WWOX: variants seen among roughly 807,000 people sequenced by gnomAD.
WWOX encodes the protein WW domain containing oxidoreductase, also known as WW domain-containing oxidoreductase.
WWOX carries 69 observed loss-of-function variants against 46.2 expected under a neutral mutation model. That is an observed-to-expected ratio of 1.49 (90% CI 1.23 to 1.82). WWOX has a LOEUF of 1.82. Among genes scored for constraint, WWOX ranks in the 40% most tolerant of loss-of-function variants. WWOX has a pLI of 0.00. For missense variants in WWOX, 919 were observed against 542.6 expected, an observed-to-expected ratio of 1.69 and a Z score of -6.89; for synonymous variants, 359 against 202.6, an observed-to-expected ratio of 1.77 and a Z score of -6.56.
At chr16:78,958,751 C>G (rs150847156) in intron 8 of WWOX, among the ~76,000 whole-genome samples, 16 of 152,136 alleles carry the variant, frequency 1.1e-4, no homozygotes, top group Middle Eastern at 6.8e-3. Context: ...TGAAATATAC[C>G]AAGTCGTCAA....
In WWOX at chr16:79,096,210, G is replaced by A. The variant is rs566793104; in HGVS notation, c.1057-115398G>A. Among the ~76,000 whole-genome samples the A allele has an allele frequency of 1.7e-3, 257 of 151,930 alleles. 1 individual carries two copies. Among genetic ancestry groups the A allele is most frequent in the Admixed American group, 2.7e-3 (41 of 15,262 alleles). ...GGGCCTCCTGGCACCCAGCCATGTT[G>A]GGACCCTTTCAGTTCTTTCTCCACG... is the stretch of plus-strand genomic sequence containing the variant. On this transcript the variant is annotated intron_variant, in intron 8 of 8. Transcript: ENST00000566780.
chr16:79,049,870 A>G (rs2048134593), intron 8 of WWOX, among the ~76,000 whole-genome samples: 1 of 151,960 alleles, frequency 6.6e-6, no homozygotes, highest in South Asian at 2.1e-4. Flanking sequence ...TCTGAGTTAA[A>G]ATATGAAGAG....
At chr16:78,192,375 C>G (rs1035149778) in intron 5 of WWOX, among the ~76,000 whole-genome samples, 2 of 150,764 alleles carry the variant, frequency 1.3e-5, no homozygotes, top group Admixed American at 6.7e-5. Flanking sequence ...CCTGTAGTCC[C>G]AAGCTACTCA....
intron 8 of WWOX, among the ~76,000 whole-genome samples, chr16:78,493,898 C>G (rs1040493048): frequency 6.6e-6 from 1 of 152,158 alleles, no homozygotes; most frequent in African/African-American, 2.4e-5. Context: ...GGTAATACTT[C>G]CCTACTAGGT....
chr16:78,172,298 C>G (rs150937013), intron 5 of WWOX, among the ~76,000 whole-genome samples: 2,614 of 152,330 alleles, frequency 0.017, 35 homozygotes, highest in Non-Finnish European at 0.027. Context: ...CCGTTCCAGA[C>G]TTCCTTTTCG....
intron 8 of WWOX, among the ~76,000 whole-genome samples, chr16:78,987,485 A>G (rs1437564697): frequency 6.6e-6 from 1 of 152,146 alleles, no homozygotes; most frequent in Non-Finnish European, 1.5e-5. Flanking sequence ...AGACAAATGG[A>G]TTGTGAAACT....
chr16:78,702,358 GAT>G (rs2048243035), intron 8 of WWOX, among the ~76,000 whole-genome samples: 1 of 151,572 alleles, frequency 6.6e-6, no homozygotes, highest in South Asian at 2.1e-4. Context: ...CTGGTGAAAT[GAT>G]GTAACCAGGC....
chr16:78,607,045 T>C (rs922027042), intron 8 of WWOX, among the ~76,000 whole-genome samples: 36 of 152,096 alleles, frequency 2.4e-4, no homozygotes, highest in African/African-American at 8.7e-4. Flanking sequence ...TCCCCACTTC[T>C]CAGAACAATG....
chr16:78,763,227 T>G (rs2049837905), intron 8 of WWOX, among the ~76,000 whole-genome samples: 1 of 152,244 alleles, frequency 6.6e-6, no homozygotes, highest in African/African-American at 2.4e-5. Flanking sequence ...AAAGCGATAC[T>G]TTTCCTTCTA....
At chr16:78,791,611 C>T (rs1406690425) in intron 8 of WWOX, among the ~76,000 whole-genome samples, 3 of 152,048 alleles carry the variant, frequency 2.0e-5, no homozygotes, top group African/African-American at 7.2e-5. Flanking sequence ...GGTGCGGTGG[C>T]TCATACCTGT....
intron 8 of WWOX, among the ~76,000 whole-genome samples, chr16:79,054,073 C>G (rs1371656640): frequency 1.3e-5 from 2 of 151,872 alleles, no homozygotes; most frequent in East Asian, 1.9e-4. Flanking sequence ...GCTCTCTGAG[C>G]CAATAAAAGA....
intron 5 of WWOX, among the ~76,000 whole-genome samples, chr16:78,350,613 C>T (rs889731461): frequency 8.3e-6 from 1 of 121,094 alleles, no homozygotes; most frequent in Non-Finnish European, 2.0e-5. Flanking sequence ...AAGGGTCATT[C>T]ATGTTGTAGC....
intron 8 of WWOX, among the ~76,000 whole-genome samples, chr16:79,144,694 T>G (rs1442534267): frequency 2.0e-5 from 3 of 152,186 alleles, no homozygotes; most frequent in African/African-American, 7.2e-5. Context: ...TTATATAAAT[T>G]TTATTGACCT....
At chr16:78,469,972 G>C (rs2084182139) in intron 8 of WWOX, among the ~76,000 whole-genome samples, 1 of 152,218 alleles carries the variant, frequency 6.6e-6, no homozygotes, top group Non-Finnish European at 1.5e-5. Context: ...TATTGAAGGT[G>C]ATGCTAGCTG....
At chr16:78,191,266 A>G (rs9936991) in intron 5 of WWOX, among the ~76,000 whole-genome samples, 32,548 of 152,132 alleles carry the variant, frequency 0.21, 3,934 homozygotes, top group African/African-American at 0.33. Context: ...CTGGGCACCC[A>G]GCCTGGTGAA....
intron 7 of WWOX, among the ~76,000 whole-genome samples, chr16:78,428,046 T>A (rs2083128566): frequency 6.6e-6 from 1 of 152,068 alleles, no homozygotes; most frequent in Non-Finnish European, 1.5e-5. Flanking sequence ...CCAGCCTGGG[T>A]GACAGAGCAA....
At chr16:78,516,641 C>T (rs900815953) in intron 8 of WWOX, among the ~76,000 whole-genome samples, 1 of 152,190 alleles carries the variant, frequency 6.6e-6, no homozygotes, top group African/African-American at 2.4e-5. Flanking sequence ...TTGTCTCCTC[C>T]TATTCCTCTG....
At chr16:78,876,004 C>T (rs117362121) in intron 8 of WWOX, among the ~76,000 whole-genome samples, 197 of 152,184 alleles carry the variant, frequency 1.3e-3, no homozygotes, top group South Asian at 2.7e-3. Context: ...CTTTAGGTCT[C>T]CCACCCTCTC....
At chr16:78,827,088 C>T (rs546177607) in intron 8 of WWOX, among the ~76,000 whole-genome samples, 3 of 152,266 alleles carry the variant, frequency 2.0e-5, no homozygotes. Flanking sequence ...TCTCTGGTCA[C>T]AAACCTGCTC....
Sources: gnomAD v4.1 joint callset for allele counts (sites outside exome capture counted in the v4.1 genomes callset) on GRCh38, gnomAD v4.1.1 for gene constraint, MANE v1.5 for transcripts, NCBI Gene and HGNC (gene_info 2026-07-23, HGNC 2026-07-21) for gene names.